SUGCT: variants seen among roughly 807,000 people sequenced by gnomAD.
SUGCT encodes succinyl-CoA:glutarate-CoA transferase.
In SUGCT, 41 loss-of-function variants were observed where a neutral mutation model predicts 55.0. The observed-to-expected ratio is 0.74, with a 90% CI of 0.58 to 0.97. The LOEUF is 0.97. Ranked by LOEUF, SUGCT falls within the 50% of genes least tolerant of loss-of-function variation. SUGCT has a pLI of 0.00. For synonymous variants in SUGCT, 187 were observed against 200.4 expected, an observed-to-expected ratio of 0.93 and a Z score of 0.56; for missense variants, 568 against 547.8, an observed-to-expected ratio of 1.04 and a Z score of -0.37.
intron 13 of SUGCT, among the ~76,000 whole-genome samples, chr7:40,835,881 C>CT (rs1228370154): frequency 3.4e-5 from 5 of 145,852 alleles, no homozygotes; most frequent in Admixed American, 1.4e-4. Context: ...CTTCCATTTT[C>CT]TTTTTTTTCT....
intron 12 of SUGCT, among the ~76,000 whole-genome samples, chr7:40,553,746 T>G (rs1583969301): frequency 1.3e-5 from 2 of 152,334 alleles, no homozygotes; most frequent in African/African-American, 4.8e-5. Flanking sequence ...AGCTGGGCTA[T>G]GTTTCAAATG....
chr7:40,509,323 A>T (rs1304674086), intron 12 of SUGCT, among the ~76,000 whole-genome samples: 1 of 151,990 alleles, frequency 6.6e-6, no homozygotes, highest in Non-Finnish European at 1.5e-5. Context: ...ACCCTAATCT[A>T]CTGTGCACTT....
At chr7:40,322,305 A>G (rs1020230965) in intron 9 of SUGCT, among the ~76,000 whole-genome samples, 2 of 152,126 alleles carry the variant, frequency 1.3e-5, no homozygotes, top group African/African-American at 2.4e-5. Flanking sequence ...TTCAAGAGCA[A>G]TGAATTTCTC....
the SUGCT span, among the ~76,000 whole-genome samples, chr7:40,953,491 G>C: frequency 6.6e-6 from 1 of 152,210 alleles, no homozygotes. Flanking sequence ...TCCATTGCTG[G>C]TGAGGAACTG....
intron 12 of SUGCT, among the ~76,000 whole-genome samples, chr7:40,574,729 G>A (rs1316547754): frequency 1.3e-5 from 2 of 152,230 alleles, no homozygotes; most frequent in Non-Finnish European, 2.9e-5. Flanking sequence ...ACCGTGCCCG[G>A]CTGGGCCTGT....
At chr7:40,962,537 C>T in the SUGCT span, among the ~76,000 whole-genome samples, 2 of 150,940 alleles carry the variant, frequency 1.3e-5, no homozygotes, top group Non-Finnish European at 1.5e-5. Flanking sequence ...CCCTCAACCC[C>T]TACTATACGA....
chr7:40,658,059 G>A (rs1326434744), intron 12 of SUGCT, among the ~76,000 whole-genome samples: 1 of 152,098 alleles, frequency 6.6e-6, no homozygotes, highest in African/African-American at 2.4e-5. Flanking sequence ...GAACAACTTA[G>A]GTGAAAGGGA....
the SUGCT span, among the ~76,000 whole-genome samples, chr7:40,930,533 T>C: frequency 1.3e-5 from 2 of 152,242 alleles, no homozygotes; most frequent in Non-Finnish European, 2.9e-5. Flanking sequence ...TTCCATGATA[T>C]TGATTCTTCC....
At chr7:40,572,910 G>A (rs777707182) in intron 12 of SUGCT, among the ~76,000 whole-genome samples, 3 of 152,102 alleles carry the variant, frequency 2.0e-5, no homozygotes, top group Admixed American at 6.6e-5. Flanking sequence ...ATATACACGC[G>A]GAGGCATGTG....
At chr7:40,709,664 C>T (rs921215473) in intron 12 of SUGCT, among the ~76,000 whole-genome samples, 1 of 152,186 alleles carries the variant, frequency 6.6e-6, no homozygotes, top group African/African-American at 2.4e-5. Flanking sequence ...TCCAAGCAGC[C>T]AGAGTACAAG....
chr7:40,859,803 T>C (rs1236967838), intron 13 of SUGCT, among the ~76,000 whole-genome samples: 1 of 152,206 alleles, frequency 6.6e-6, no homozygotes, highest in African/African-American at 2.4e-5. Context: ...TAACTTCTTC[T>C]ACCACCAAAA....
chr7:40,209,245 G>A (rs1787190116), intron 6 of SUGCT, among the ~76,000 whole-genome samples: 3 of 152,192 alleles, frequency 2.0e-5, no homozygotes, highest in African/African-American at 4.8e-5. Context: ...ACTCATGCCT[G>A]TAATCCCAGC....
intron 13 of SUGCT, among the ~76,000 whole-genome samples, chr7:40,757,165 A>T (rs1209741004): frequency 5.9e-5 from 9 of 152,116 alleles, no homozygotes; most frequent in Non-Finnish European, 1.3e-4. Context: ...GTTCTGTGAG[A>T]AATGAATAGC....
intron 7 of SUGCT, among the ~76,000 whole-genome samples, chr7:40,240,638 A>G (rs1789319291): frequency 6.6e-6 from 1 of 152,242 alleles, no homozygotes; most frequent in Non-Finnish European, 1.5e-5. Context: ...GCCTTGGCTA[A>G]TATTTTTAAC....
intron 12 of SUGCT, among the ~76,000 whole-genome samples, chr7:40,684,627 T>G (rs1169904504): frequency 1.3e-5 from 2 of 152,184 alleles, no homozygotes; most frequent in Admixed American, 1.3e-4. Context: ...TTTTTTGAAT[T>G]TTAGACATTT....
the SUGCT span, among the ~76,000 whole-genome samples, chr7:40,988,600 A>G: frequency 6.6e-5 from 10 of 152,278 alleles, no homozygotes; most frequent in African/African-American, 2.4e-4. Context: ...TGCTATAGAA[A>G]AAAAGTGTGT....
the SUGCT span, among the ~76,000 whole-genome samples, chr7:41,037,168 G>A: frequency 6.6e-6 from 1 of 152,256 alleles, no homozygotes; most frequent in Non-Finnish European, 1.5e-5. Flanking sequence ...CCCTTCCTTT[G>A]GGATTGCCTT....
At chr7:40,967,431 T>C in the SUGCT span, 7 of 152,184 alleles carry the variant, frequency 4.6e-5, no homozygotes, top group African/African-American at 1.7e-4. Flanking sequence ...GTGCGTTTCA[T>C]AGGAAACTGA....
intron 8 of SUGCT, among the ~76,000 whole-genome samples, chr7:40,308,763 C>T (rs1794972531): frequency 6.6e-6 from 1 of 152,158 alleles, no homozygotes; most frequent in African/African-American, 2.4e-5. Flanking sequence ...GTAATTCTAG[C>T]ATTTGGGAGG....
Sources: gnomAD v4.1 joint callset for allele counts (sites outside exome capture counted in the v4.1 genomes callset) on GRCh38, gnomAD v4.1.1 for gene constraint, MANE v1.5 for transcripts, NCBI Gene and HGNC (gene_info 2026-07-23, HGNC 2026-07-21) for gene names.